Variants in SHANK1 observed in about 807,000 individuals in gnomAD.
SHANK1 encodes SH3 and multiple ankyrin repeat domains protein 1.
A neutral mutation model predicts 165.6 loss-of-function variants in SHANK1; 35 were observed. The ratio of observed to expected loss-of-function variants is 0.21; its 90% CI spans 0.16 to 0.28. The LOEUF (loss-of-function observed/expected upper bound fraction) is 0.28, where lower values mean the gene tolerates loss of function less well. Among genes scored for constraint, SHANK1 ranks in the 10% least tolerant of loss-of-function variants. The probability of loss-of-function intolerance (pLI) is 1.00; values close to 1 mark genes in which losing one functional copy is unlikely to be tolerated. For missense variants in SHANK1, 2,681 were observed against 3,036.4 expected (o/e 0.88, Z 2.75); for synonymous variants, 1,428 against 1,384.8 (o/e 1.03, Z -0.69).
At position 50,686,393 on chromosome 19, in the gene SHANK1, G is replaced by A. The variant is rs764584458; in HGVS notation, c.2459-38C>T. 2.9e-5 allele frequency: 41 copies of A among 1,425,014 alleles called. No homozygotes were observed. Among genetic ancestry groups the A allele is most frequent in the Non-Finnish European group, 3.9e-5 (40 of 1,036,430 alleles). The allele number at this position is 1,425,014 out of a possible 1,614,324, so 88.3% of individuals were successfully genotyped here. ...GAATGAACAGAGGTGGGAAGACAAT[G>A]AAATGAAGTTTGCTTTGACCCGGGC... On this transcript the variant is annotated intron_variant, in intron 20 of 23. Coordinates refer to ENST00000293441, the MANE Select transcript of SHANK1 (RefSeq NM_016148.5). This position sits in a 1 kb window ranked among gnomAD's most constrained non-coding sequence, Gnocchi z 5.7.
In SHANK1 at chr19:50,703,583, G is replaced by A. The variant is rs757413655; in HGVS notation, c.1470C>T (p.Ser490=). 168 of 1,558,416 alleles carry A rather than the reference G, an allele frequency of 1.1e-4. 1 individual carries two copies. The Middle Eastern group carries it at 1.4e-3, about 13-fold the overall frequency. Residue 490 remains serine, a synonymous_variant, in exon 11 of 24, where the codon AGC becomes AGT. Transcript: ENST00000293441. Reference sequence around the variant, plus strand: ...AGCGGGCCCTGGCACCCCGGGGGCTGCTGGCACTTCGGAGGGTCCCGCTGC... The same window carrying A: ...AGCGGGCCCTGGCACCCCGGGGGCTACTGGCACTTCGGAGGGTCCCGCTGC... ...KLSSGTLRSA[S]SPRGARARSP...
Position 50,667,398 on chromosome 19 carries a change from G to C in SHANK1, c.4562C>G (p.Pro1521Arg). 2.0e-6 allele frequency: 3 copies of C among 1,523,006 alleles called. No individual in the cohort carries two copies. The highest frequency in any genetic ancestry group is 2.6e-6 in the Non-Finnish European group (3 of 1,141,882). The allele number at this position is 1,523,006 out of a possible 1,614,324, so 94.3% of individuals were successfully genotyped here. A position where few individuals can be genotyped will look rare whatever the true frequency, so the allele number is the denominator to read the frequency against. The change falls in exon 23 of 24, where the codon CCC (proline) becomes CGC (arginine). Residue 1521 changes from proline to arginine, a missense_variant. Pro to Arg is a moderately radical substitution (Grantham distance 103). This residue lies in a region of SHANK1 where 1,713 missense variants were observed against 1,630.2 expected (regional missense o/e 1.05). Transcript: ENST00000293441. The surrounding 1 kb of genome is among the most constrained non-coding windows in gnomAD (Gnocchi z 5.7). ...GGGGGGCACGGACCGGCGTGGGCTG[G>C]GCGGCGGGACCCCCGGCCCGTCCTC... is the stretch of plus-strand genomic sequence containing the variant. ...PSEDGPGVPP[P>R]SPRRSVPPSP...
chr19:50,677,012 T>C (rs1275290513), intron 21 of SHANK1, among the ~76,000 whole-genome samples: 1 of 152,180 alleles, frequency 6.6e-6, no homozygotes. Flanking sequence ...TTTTGGACTA[T>C]GAGGCCAGTC....
At position 50,718,823 on chromosome 19, in the gene SHANK1, C is replaced by G. The variant is rs990704854; in HGVS notation, c.-44+583G>C. Among the ~76,000 whole-genome samples, 447 of 126,972 alleles carry G rather than the reference C, an allele frequency of 3.5e-3. 4 individuals carry two copies. The highest frequency in any genetic ancestry group is 0.012 in the African/African-American group (392 of 32,516). The allele number at this position is 126,972 out of a possible 152,430, so 83.3% of individuals were successfully genotyped here. On this transcript the variant is annotated intron_variant, in intron 1 of 23. Transcript: ENST00000293441. This position sits in a 1 kb window ranked among gnomAD's most constrained non-coding sequence, Gnocchi z 5.1. Reference sequence around the variant, plus strand: ...CGGCCGGGGAGAGGGGCGGGGGGCACCGGGGAGCAGGAGTCGGGGGCGGGA... The same window carrying G: ...CGGCCGGGGAGAGGGGCGGGGGGCAGCGGGGAGCAGGAGTCGGGGGCGGGA...
At position 50,700,522 on chromosome 19, in the gene SHANK1, A is replaced by G. The variant is rs1047283922; in HGVS notation, c.1747+1945T>C. On this transcript the variant is annotated intron_variant, in intron 12 of 23. Transcript: ENST00000293441. The stretch of plus-strand genomic sequence containing the variant: ...ATGAGATGAGGTTGACAAGGTGGGC[A>G]GAGAGGCAGCTTGGAGGCCAGGTGA... Among the ~76,000 whole-genome samples, 35 of 151,996 alleles carry G rather than the reference A, an allele frequency of 2.3e-4. 1 individual carries two copies. The highest frequency in any genetic ancestry group is 8.0e-4 in the African/African-American group (33 of 41,356).
In SHANK1 at chr19:50,667,458, C is replaced by T. The variant is rs538668477; in HGVS notation, c.4502G>A (p.Arg1501Gln). The T allele has an allele frequency of 2.6e-6, 4 of 1,527,162 alleles. No individual in the cohort carries two copies. Among genetic ancestry groups the T allele is most frequent in the East Asian group, 2.4e-5 (1 of 42,092 alleles). 94.6% of individuals were successfully genotyped at this position (1,527,162 alleles called of 1,614,324 possible). Reference protein sequence around the residue: ...HVRFLENCQPRAPVTSGRGPP... With the variant: ...HVRFLENCQPQAPVTSGRGPP... ...ACCCCTTCCGCTCGTCACAGGGGCC[C>T]GGGGCTGGCAGTTTTCAAGGAACCG... is the stretch of plus-strand genomic sequence containing the variant. Residue 1501 changes from arginine (R) to glutamine (Q), a missense_variant, in exon 23 of 24, where the codon CGG (arginine) becomes CAG (glutamine). Transcript: ENST00000293441. This position sits in a 1 kb window ranked among gnomAD's most constrained non-coding sequence, Gnocchi z 5.7.
At position 50,704,135 on chromosome 19, in the gene SHANK1, G is replaced by T. The variant is rs10419507; in HGVS notation, c.1207C>A (p.Arg403=). 2.8e-3 allele frequency: 4,568 copies of T among 1,613,524 alleles called. 101 individuals carry two copies. In the African/African-American group the frequency reaches 0.047, roughly 17 times the overall value. Residue 403 remains arginine (R), a synonymous_variant, in exon 10 of 24, where the codon CGA becomes AGA. Coordinates refer to ENST00000293441, the MANE Select transcript of SHANK1 (RefSeq NM_016148.5). ...FELGELIRNH[R]EQDVVPFQES... ...TGTCACTCACCCACATCCTGTTCTC[G>T]GTGGTTTCGGATCAGCTCCCCCAGC...
At chr19:50,679,313 A>T (rs1378072928) in intron 21 of SHANK1, among the ~76,000 whole-genome samples, 3 of 151,600 alleles carry the variant, frequency 2.0e-5, no homozygotes, top group Non-Finnish European at 4.4e-5. Flanking sequence ...GCAGAGTGAC[A>T]GACGCCTCGT....
At position 50,686,553 on chromosome 19, in the gene SHANK1, G is replaced by A. The variant is rs1419198853; in HGVS notation, c.2458+191C>T. Among the ~76,000 whole-genome samples, 4 of 152,178 alleles carry A rather than the reference G, an allele frequency of 2.6e-5. No homozygotes were observed. Among genetic ancestry groups the A allele is most frequent in the Non-Finnish European group, 5.9e-5 (4 of 68,026 alleles). ...CTCCCAGCCCAGTGGGCAGCACCCA[G>A]GGTGGGAAGGGGTGCGGGCAGGGAA... On this transcript the variant is annotated intron_variant, in intron 20 of 23. Transcript: ENST00000293441. The surrounding 1 kb of genome is among the most constrained non-coding windows in gnomAD (Gnocchi z 5.7).
In SHANK1 at chr19:50,669,014, G is replaced by A; in HGVS notation, c.2946C>T (p.Ser982=). 4 of 839,660 alleles carry A rather than the reference G, an allele frequency of 4.8e-6. No homozygotes were observed. Among genetic ancestry groups the A allele is most frequent in the African/African-American group, 1.8e-5 (1 of 56,634 alleles). 52.0% of individuals were successfully genotyped at this position (839,660 alleles called of 1,614,324 possible). A position where few individuals can be genotyped will look rare whatever the true frequency, so the allele number is the denominator to read the frequency against. ...GPSPPDTRVG[S]REKSLYHSGP... is the part of the protein sequence containing the mutation. The stretch of plus-strand genomic sequence containing the variant: ...CACTGTGGTACAGGCTCTTCTCGCG[G>A]CTCCCCACGCGAGTGTCGGGAGGGG... Residue 982 remains serine, a synonymous_variant, in exon 23 of 24, where the codon AGC becomes AGT. Coordinates refer to ENST00000293441, the MANE Select transcript of SHANK1 (RefSeq NM_016148.5).
chr19:50,686,272 C>T lies in SHANK1; in HGVS notation c.2542G>A (p.Gly848Ser), dbSNP rs537033442. Reference sequence around the variant, plus strand: ...AAGAAACCTTTGGGTCGGTGTTTGCCCAGGGACGCGAGGCCACCGGGACCA... The same window carrying T: ...AAGAAACCTTTGGGTCGGTGTTTGCTCAGGGACGCGAGGCCACCGGGACCA... ...SPGPGGLASLGKHRPKGFFAT... is the reference protein window; with the variant it reads ...SPGPGGLASLSKHRPKGFFAT... Residue 848 changes from glycine to serine, a missense_variant, in exon 21 of 24, where the codon GGC (glycine) becomes AGC (serine). By Grantham distance (56) the Gly-to-Ser change is moderately conservative. Transcript: ENST00000293441. This position sits in a 1 kb window ranked among gnomAD's most constrained non-coding sequence, Gnocchi z 5.7. 13 of 1,607,114 alleles carry T rather than the reference C, an allele frequency of 8.1e-6. No homozygotes were observed. Among genetic ancestry groups the T allele is most frequent in the Admixed American group, 1.7e-5 (1 of 59,198 alleles).
chr19:50,698,508 C>A (rs1038744662), intron 12 of SHANK1, among the ~76,000 whole-genome samples: 15 of 151,802 alleles, frequency 9.9e-5, no homozygotes, highest in African/African-American at 3.6e-4. Flanking sequence ...GAAGCGGCTT[C>A]CCCCTGCCCA....
At chr19:50,679,371 A>G (rs1986099107) in intron 21 of SHANK1, among the ~76,000 whole-genome samples, 1 of 151,604 alleles carries the variant, frequency 6.6e-6, no homozygotes, top group East Asian at 1.9e-4. Flanking sequence ...GTGGAAGAAG[A>G]AGGGACAAAA....
chr19:50,717,084 G>A lies in SHANK1; in HGVS notation c.-43-122C>T. On this transcript the variant is annotated intron_variant, in intron 1 of 23. Transcript: ENST00000293441. This position sits in a 1 kb window ranked among gnomAD's most constrained non-coding sequence, Gnocchi z 5.5. ...CCCACTGCCCAAGATAGGCAGGAAG[G>A]AGGCTGGACACACCCTCGGCCTGCA... 1 of 796,368 alleles carries A rather than the reference G, an allele frequency of 1.3e-6. No homozygotes were observed. Among genetic ancestry groups the A allele is most frequent in the Non-Finnish European group, 1.8e-6 (1 of 565,948 alleles). 49.3% of individuals were successfully genotyped at this position (796,368 alleles called of 1,614,324 possible). A position where few individuals can be genotyped will look rare whatever the true frequency, so the allele number is the denominator to read the frequency against.
rs1349380311 is a variant in SHANK1 at position 50,690,271 on chromosome 19, C to G, written c.1965-992G>C. 6.6e-6 allele frequency among the ~76,000 whole-genome samples: 1 copy of G among 152,078 alleles called. No homozygotes were observed. The highest frequency in any genetic ancestry group is 2.4e-5 in the African/African-American group (1 of 41,376). ...CACCAGCACATTTAGGTAAGGCTCA[C>G]GTACCCAGGAAATGTCAATGAAACT... is the stretch of plus-strand genomic sequence containing the variant. On this transcript the variant is annotated intron_variant, in intron 15 of 23. Transcript: ENST00000293441. This position sits in a 1 kb window ranked among gnomAD's most constrained non-coding sequence, Gnocchi z 4.9.
At chr19:50,696,286 ACT>A (rs1361873696) in intron 15 of SHANK1, among the ~76,000 whole-genome samples, 4 of 151,952 alleles carry the variant, frequency 2.6e-5, no homozygotes, top group Non-Finnish European at 5.9e-5. Flanking sequence ...GTACCCCAAT[ACT>A]CACCCGGTGC....
In SHANK1 at chr19:50,717,071, G is replaced by A. The variant is rs1172476051; in HGVS notation, c.-43-109C>T. On this transcript the variant is annotated intron_variant, in intron 1 of 23. Transcript: ENST00000293441. The surrounding 1 kb of genome is among the most constrained non-coding windows in gnomAD (Gnocchi z 5.5). ...AGGGCAGCCTACCCCCACTGCCCAA[G>A]ATAGGCAGGAAGGAGGCTGGACACA... 2.0e-5 allele frequency: 18 copies of A among 923,068 alleles called. No individual in the cohort carries two copies. The highest frequency in any genetic ancestry group is 2.4e-5 in the Non-Finnish European group (16 of 676,984). The allele number at this position is 923,068 out of a possible 1,614,324, so 57.2% of individuals were successfully genotyped here.
intron 12 of SHANK1, 122 bp from the exon 13 acceptor site, chr19:50,698,078 A>G (rs1986798427): frequency 1.4e-6 from 1 of 715,276 alleles, no homozygotes; most frequent in Non-Finnish European, 2.4e-6. Context: ...CATCCTTAAT[A>G]AACATCTGAG....
In SHANK1 at chr19:50,702,650, T is replaced by A. The variant is rs1309125565; in HGVS notation, c.1564A>T (p.Thr522Ser). The A allele has an allele frequency of 6.4e-7, 1 of 1,560,948 alleles. No homozygotes were observed. The highest frequency in any genetic ancestry group is 1.9e-5 in the Admixed American group (1 of 54,004). ...QPRGRPSSSG[T>S]PREGPAGGTG... ...CCCCCGGCTGGCCCTTCCCGGGGTG[T>A]CCCGCTGGAGCTGCGTACACAGAGG... The change falls in exon 12 of 24, where the codon ACA (threonine) becomes TCA (serine). Residue 522 changes from threonine to serine, a missense_variant. Thr to Ser is a moderately conservative substitution (Grantham distance 58). Coordinates refer to ENST00000293441, the MANE Select transcript of SHANK1 (RefSeq NM_016148.5). The surrounding 1 kb of genome is among the most constrained non-coding windows in gnomAD (Gnocchi z 5.3).
Sources: gnomAD v4.1 joint callset for allele counts (sites outside exome capture counted in the v4.1 genomes callset) on GRCh38, gnomAD v4.1.1 for gene constraint, gnomAD v4.1.1 regional missense constraint, Gnocchi (gnomAD v3.1) non-coding constraint, MANE v1.5 for transcripts, NCBI Gene and HGNC (gene_info 2026-07-23, HGNC 2026-07-21) for gene names.